Variants in FAM133A observed in about 807,000 individuals in gnomAD.
FAM133A encodes protein FAM133A.
For synonymous variants in FAM133A, 65 were observed against 58.6 expected, an observed-to-expected ratio of 1.11 and a Z score of -0.50; for missense variants, 159 against 164.4, an observed-to-expected ratio of 0.97 and a Z score of 0.18.
intron 2 of FAM133A, among the ~76,000 whole-genome samples, chrX:93,679,232 G>A (rs987137310): frequency 9.9e-5 from 11 of 110,610 alleles, no homozygotes; most frequent in Non-Finnish European, 1.5e-4. Flanking sequence ...GTTAAAAAAA[G>A]AATAGTAATA....
chrX:93,694,571 A>G (rs1163910776), intron 2 of FAM133A, among the ~76,000 whole-genome samples: 1 of 111,792 alleles, frequency 8.9e-6, no homozygotes, highest in Non-Finnish European at 1.9e-5. Flanking sequence ...AAATTGAAAA[A>G]GTAAAATCTA....
chrX:93,692,910 T>C (rs1925983198), intron 2 of FAM133A, among the ~76,000 whole-genome samples: 1 of 111,403 alleles, frequency 9.0e-6, no homozygotes, highest in African/African-American at 3.3e-5. Context: ...CATGGAAATA[T>C]AGGGCAGAAG....
At position 93,709,622 on chromosome X, in the gene FAM133A, A is replaced by G; in HGVS notation, c.203A>G (p.Asn68Ser). Residue 68 changes from asparagine to serine, a missense_variant, in exon 4 of 4, where the codon AAT (asparagine) becomes AGT (serine). By Grantham distance (46) the Asn-to-Ser change is conservative. Transcript: ENST00000683942. The stretch of plus-strand genomic sequence containing the variant: ...GAATTTGAAGAAAAAATGAATGAAA[A>G]TTGGAAGAAAGAACTTGAAAAAAGC... ...LAEFEEKMNE[N>S]WKKELEKSRE... is the part of the protein sequence containing the mutation. 1 of 1,195,717 alleles carries G rather than the reference A, an allele frequency of 8.4e-7. No homozygotes were observed. The highest frequency in any genetic ancestry group is 1.1e-6 in the Non-Finnish European group (1 of 890,341).
chrX:93,693,985 C>A (rs1031038474), intron 2 of FAM133A, among the ~76,000 whole-genome samples: 2 of 109,873 alleles, frequency 1.8e-5, no homozygotes, highest in Non-Finnish European at 3.8e-5. Flanking sequence ...GTATTTTAGA[C>A]CTTTTACAAA....
chrX:93,694,943 G>A (rs758304160), intron 2 of FAM133A, among the ~76,000 whole-genome samples: 2 of 111,845 alleles, frequency 1.8e-5, no homozygotes, highest in East Asian at 2.8e-4. Context: ...CCCAGTATAA[G>A]CTATTGCATG....
chrX:93,688,556 C>T (rs1925689862), intron 2 of FAM133A, among the ~76,000 whole-genome samples: 1 of 111,144 alleles, frequency 9.0e-6, no homozygotes, highest in African/African-American at 3.3e-5. Flanking sequence ...TTCTTGAGAA[C>T]CCAGTGTTAT....
rs1387630749 is a variant in FAM133A, at chrX:93,710,254, A to T, written c.*88A>T. 9.7e-7 allele frequency: 1 copy of T among 1,035,445 alleles called. No homozygotes were observed. The highest frequency in any genetic ancestry group is 1.3e-6 in the Non-Finnish European group (1 of 786,654). 85.3% of individuals were successfully genotyped at this position (1,035,445 alleles called of 1,213,427 possible). A position where few individuals can be genotyped will look rare whatever the true frequency, so the allele number is the denominator to read the frequency against. On this transcript the variant is annotated 3_prime_UTR_variant, in exon 4 of 4. Coordinates refer to ENST00000683942, the MANE Select transcript of FAM133A (RefSeq NM_001171109.2). ...GACTTTGAGTTGCCTATCAAATCCC[A>T]CTGTGCCAGTAAGGGGCATAGTGGC...
intron 3 of FAM133A, among the ~76,000 whole-genome samples, chrX:93,703,963 A>G (rs989368093): frequency 8.9e-6 from 1 of 111,861 alleles, no homozygotes. Context: ...CATGAGAAGA[A>G]CTGTTTCCAC....
intron 2 of FAM133A, among the ~76,000 whole-genome samples, chrX:93,697,871 A>G (rs1473782363): frequency 8.9e-6 from 1 of 111,980 alleles, no homozygotes; most frequent in African/African-American, 3.2e-5. Flanking sequence ...AACATTAAAA[A>G]TGAATTTATT....
At chrX:93,676,618 GTT>G (rs59775813) in intron 2 of FAM133A, among the ~76,000 whole-genome samples, 5 of 94,115 alleles carry the variant, frequency 5.3e-5, no homozygotes, top group African/African-American at 1.5e-4. Flanking sequence ...AAAATTGGTT[GTT>G]TTTTTTTTTT....
At chrX:93,676,205 G>A (rs945193505) in intron 2 of FAM133A, among the ~76,000 whole-genome samples, 1 of 110,659 alleles carries the variant, frequency 9.0e-6, no homozygotes, top group African/African-American at 3.3e-5. Context: ...CAACTAATGA[G>A]TCGGTTTTAA....
intron 3 of FAM133A, among the ~76,000 whole-genome samples, chrX:93,705,548 T>A (rs948220109): frequency 1.8e-5 from 2 of 111,619 alleles, no homozygotes; most frequent in Admixed American, 9.6e-5. Context: ...TTTTAATTAC[T>A]GGTCTCAAAA....
chrX:93,680,350 G>T (rs1925047360), intron 2 of FAM133A, among the ~76,000 whole-genome samples: 1 of 110,896 alleles, frequency 9.0e-6, no homozygotes, highest in African/African-American at 3.3e-5. Context: ...TCAACTGATG[G>T]ACACTTAGGT....
chrX:93,685,159 CTTCTA>C (rs1340662747), intron 2 of FAM133A, among the ~76,000 whole-genome samples: 3 of 111,306 alleles, frequency 2.7e-5, no homozygotes, highest in African/African-American at 6.5e-5. Flanking sequence ...TATTTCAAAA[CTTCTA>C]TTCTTTTTCT....
chrX:93,690,819 T>C (rs770974644), intron 2 of FAM133A, among the ~76,000 whole-genome samples: 1 of 111,778 alleles, frequency 8.9e-6, no homozygotes, highest in African/African-American at 3.2e-5. Flanking sequence ...AATGTGGCTG[T>C]ACTATATGAC....
chrX:93,688,924 CTA>C (rs1479588127), intron 2 of FAM133A, among the ~76,000 whole-genome samples: 1 of 109,821 alleles, frequency 9.1e-6, no homozygotes, highest in African/African-American at 3.3e-5. Flanking sequence ...CATGACTTAA[CTA>C]TATATATATG....
intron 2 of FAM133A, among the ~76,000 whole-genome samples, chrX:93,680,398 TGAAAATGG>T (rs1295233531): frequency 9.0e-6 from 1 of 111,681 alleles, no homozygotes; most frequent in East Asian, 2.8e-4. Flanking sequence ...AATGCTGCAA[TGAAAATGG>T]GAGTACAGAT....
At chrX:93,702,237 C>T (rs1228611896) in intron 3 of FAM133A, among the ~76,000 whole-genome samples, 4 of 110,858 alleles carry the variant, frequency 3.6e-5, no homozygotes, top group Admixed American at 9.7e-5. Flanking sequence ...GTAAAAGGAA[C>T]CCGGGCTCTG....
chrX:93,708,260 G>A (rs1927170978), intron 3 of FAM133A, among the ~76,000 whole-genome samples: 1 of 111,972 alleles, frequency 8.9e-6, no homozygotes, highest in Admixed American at 9.5e-5. Context: ...CAAATGAAAA[G>A]AATTGAGAAA....
Sources: allele counts gnomAD v4.1 joint callset (sites outside exome capture counted in the v4.1 genomes callset), GRCh38; gene constraint gnomAD v4.1.1; transcripts MANE v1.5; gene names NCBI Gene and HGNC (gene_info 2026-07-23, HGNC 2026-07-21).